TFAP4: variants seen among roughly 807,000 people sequenced by gnomAD.
The protein encoded by TFAP4 is transcription factor AP-4, also known as activating enhancer-binding protein 4.
In TFAP4, 7 loss-of-function variants were observed where a neutral mutation model predicts 40.4. The ratio of observed to expected loss-of-function variants is 0.17; its 90% confidence interval spans 0.10 to 0.33. The LOEUF is 0.33. Among genes scored for constraint, TFAP4 ranks in the 10% least tolerant of loss-of-function variants. The pLI is 1.00. For synonymous variants in TFAP4, 218 were observed against 181.4 expected (o/e 1.20, Z -1.62); for missense variants, 374 against 451.1 (o/e 0.83, Z 1.55).
intron 1 of TFAP4, among the ~76,000 whole-genome samples, chr16:4,267,580 G>A (rs940197487): frequency 2.0e-5 from 3 of 152,188 alleles, no homozygotes; most frequent in Non-Finnish European, 2.9e-5. Flanking sequence ...CTAGAACCCT[G>A]CCAGGTACCT....
intron 1 of TFAP4, among the ~76,000 whole-genome samples, chr16:4,267,449 C>T (rs1192284169): frequency 3.9e-5 from 6 of 152,252 alleles, no homozygotes; most frequent in African/African-American, 1.2e-4. Context: ...AATTTGGGCA[C>T]CAGCCTTGGA....
chr16:4,263,815 G>A (rs148025174), intron 1 of TFAP4: 2,719 of 153,634 alleles, frequency 0.018, 41 homozygotes, highest in Non-Finnish European at 0.028. Context: ...GGCGGGGCGT[G>A]TGCGCCAGGG....
intron 1 of TFAP4, among the ~76,000 whole-genome samples, chr16:4,270,322 G>A (rs1475844413): frequency 2.0e-5 from 3 of 152,274 alleles, no homozygotes; most frequent in Middle Eastern, 3.4e-3. Context: ...GTGCAGCACC[G>A]TGCCCTACAA....
At chr16:4,262,867 G>C in intron 1 of TFAP4, 166 bp from the exon 2 acceptor site, 1 of 737,492 alleles carries the variant, frequency 1.4e-6, no homozygotes, top group Non-Finnish European at 2.2e-6. Context: ...GACTGAATCA[G>C]CTGGCTGCGG....
chr16:4,261,744 C>G (rs753953127), intron 4 of TFAP4, 35 bp downstream of exon 4: 5 of 1,559,526 alleles, frequency 3.2e-6, no homozygotes, highest in Non-Finnish European at 4.3e-6. Flanking sequence ...GCCCTCTGCA[C>G]CGCGCGCCGT....
At chr16:4,266,538 AC>A in intron 1 of TFAP4, 1 of 152,218 alleles carries the variant, frequency 6.6e-6, no homozygotes, top group East Asian at 1.9e-4. Context: ...ATAGGAGCTA[AC>A]CAGGGGTTGT....
intron 1 of TFAP4, chr16:4,264,134 G>C (rs1423058544): frequency 3.9e-5 from 6 of 152,556 alleles, no homozygotes; most frequent in Non-Finnish European, 8.8e-5. Flanking sequence ...GGCAGCTCCT[G>C]CTCCATTGAT....
chr16:4,272,613 G>T (rs747460288), intron 1 of TFAP4, 45 bp downstream of exon 1: 1 of 1,514,958 alleles, frequency 6.6e-7, no homozygotes, highest in Non-Finnish European at 9.0e-7. Flanking sequence ...GGCTGGCCGG[G>T]GGCTGCAGTG....
In TFAP4 at chr16:4,262,716, A is replaced by G. The variant is rs767414668; in HGVS notation, c.90-15T>C. ...TGTTGGCAAGGCTGCCAGAGAGGAC[A>G]GGGACAGGCTCGGCCAAGGCGCCCT... On this transcript the variant is annotated splice_polypyrimidine_tract_variant and intron_variant, in intron 1 of 6. Transcript: ENST00000204517. 3.7e-6 allele frequency: 6 copies of G among 1,605,558 alleles called. No homozygotes were observed. The East Asian group carries it at 1.1e-4, about 30-fold the overall frequency.
At chr16:4,261,463 A>G (rs1447230153) in intron 4 of TFAP4, among the ~76,000 whole-genome samples, 1 of 143,474 alleles carries the variant, frequency 7.0e-6, no homozygotes. Flanking sequence ...TTTTTTTTGT[A>G]TTTTTAGTAG....
At chr16:4,258,530 C>T in intron 6 of TFAP4, 1 of 300,466 alleles carries the variant, frequency 3.3e-6, no homozygotes, top group Non-Finnish European at 6.2e-6. Flanking sequence ...TCCTACTGCT[C>T]CCTCCCTAGT....
chr16:4,268,409 A>T (rs1567202837), intron 1 of TFAP4, among the ~76,000 whole-genome samples: 1 of 152,056 alleles, frequency 6.6e-6, no homozygotes, highest in African/African-American at 2.4e-5. Flanking sequence ...ACCTTTTAAG[A>T]CCACAAGGCT....
intron 1 of TFAP4, among the ~76,000 whole-genome samples, chr16:4,268,390 G>T (rs2053014247): frequency 6.6e-6 from 1 of 152,118 alleles, no homozygotes; most frequent in Non-Finnish European, 1.5e-5. Context: ...CTCTTAGGGG[G>T]TCTACAAGAC....
At chr16:4,262,500 C>T (rs2052958116) in intron 2 of TFAP4, 36 bp downstream of exon 2, 4 of 1,612,820 alleles carry the variant, frequency 2.5e-6, no homozygotes, top group Non-Finnish European at 3.4e-6. Context: ...GGGAACCTGC[C>T]GGCTCCTCCA....
In TFAP4 at chr16:4,261,803, C is replaced by T. The variant is rs772047423; in HGVS notation, c.501G>A (p.Ser167=). The T allele has an allele frequency of 1.2e-6, 2 of 1,610,192 alleles. No homozygotes were observed. Among genetic ancestry groups the T allele is most frequent in the Non-Finnish European group, 1.7e-6 (2 of 1,178,506 alleles). ...ELRQQLDKER[S]VRMMLEEQVR... is the part of the protein sequence containing the mutation. ...CCTGCTCCTCCAGCATCATGCGCAC[C>T]GAGCGCTCCTTGTCCAGCTGCTGCC... Residue 167 remains serine, a synonymous_variant, in exon 4 of 7, where the codon TCG becomes TCA. Transcript: ENST00000204517.
rs527790173 is a variant in TFAP4, at chr16:4,271,685, T to G, written c.89+973A>C. ...GGCTGGGGGACCCGACGCTTTCGGT[T>G]TACGGCAGGGGGGAGGGGCGTTGGA... is the stretch of plus-strand genomic sequence containing the variant. On this transcript the variant is annotated intron_variant, in intron 1 of 6. Transcript: ENST00000204517. Among the ~76,000 whole-genome samples, 222 of 152,206 alleles carry G rather than the reference T, an allele frequency of 1.5e-3. 1 individual carries two copies. The highest frequency in any genetic ancestry group is 4.9e-3 in the African/African-American group (205 of 41,530).
intron 1 of TFAP4, 120 bp from the exon 2 acceptor site, chr16:4,262,821 G>T: frequency 8.7e-7 from 1 of 1,144,184 alleles, no homozygotes; most frequent in Non-Finnish European, 1.2e-6. Context: ...CACCCCCAGA[G>T]AGTGATGGAG....
chr16:4,264,199 T>C (rs934298084), intron 1 of TFAP4: 1 of 152,542 alleles, frequency 6.6e-6, no homozygotes, highest in Admixed American at 6.5e-5. Flanking sequence ...CTGTGTGCCC[T>C]GGCCCCTTCG....
intron 6 of TFAP4, 53 bp from the exon 7 acceptor site, chr16:4,258,302 A>C: frequency 2.7e-6 from 4 of 1,496,454 alleles, no homozygotes; most frequent in Non-Finnish European, 3.6e-6. Flanking sequence ...ATGGCCAGCC[A>C]GGAGACAGTG....
Sources: gnomAD v4.1 joint callset for allele counts (sites outside exome capture counted in the v4.1 genomes callset) on GRCh38, gnomAD v4.1.1 for gene constraint, MANE v1.5 for transcripts, NCBI Gene and HGNC (gene_info 2026-07-23, HGNC 2026-07-21) for gene names.